Variants in NELL1 observed in about 807,000 individuals in gnomAD.
NELL1 encodes the protein protein kinase C-binding protein NELL1.
In NELL1, 76 loss-of-function variants were observed where a neutral mutation model predicts 107.4. That is an observed-to-expected ratio of 0.71 (90% confidence interval 0.59 to 0.86). NELL1 has a LOEUF of 0.86. NELL1 is among the 40% of genes least tolerant of loss of function. The pLI is 0.00. For synonymous variants in NELL1, 353 were observed against 341.2 expected (o/e 1.03, Z -0.38); for missense variants, 1,024 against 1,005.5 (o/e 1.02, Z -0.25).
chr11:20,690,354 G>T (rs1250889953), intron 2 of NELL1, among the ~76,000 whole-genome samples: 2 of 152,206 alleles, frequency 1.3e-5, no homozygotes, highest in Non-Finnish European at 2.9e-5. Context: ...TGAAGTCCTT[G>T]CCCATGCCTA....
chr11:21,267,331 A>G (rs1848654904), intron 14 of NELL1, among the ~76,000 whole-genome samples: 1 of 152,126 alleles, frequency 6.6e-6, no homozygotes, highest in Admixed American at 6.6e-5. Flanking sequence ...ATTACTAGTA[A>G]TACATTTTTA....
intron 15 of NELL1, among the ~76,000 whole-genome samples, chr11:21,394,169 A>C (rs10833524): frequency 0.3 from 45,651 of 151,402 alleles, 7,172 homozygotes; most frequent in Non-Finnish European, 0.35. Flanking sequence ...ATAGGATTAG[A>C]CATTATTCTT....
intron 3 of NELL1, among the ~76,000 whole-genome samples, chr11:20,785,992 A>C (rs1020091840): frequency 2.0e-5 from 3 of 151,418 alleles, no homozygotes; most frequent in African/African-American, 7.3e-5. Context: ...GATTGATAGG[A>C]GAGTCATTTG....
intron 14 of NELL1, among the ~76,000 whole-genome samples, chr11:21,240,241 T>C (rs184119322): frequency 3.9e-5 from 6 of 152,098 alleles, no homozygotes; most frequent in Admixed American, 3.9e-4. Context: ...AGATTGGCAG[T>C]ACTGTTAACA....
chr11:21,449,221 ACAGT>A (rs1162113584), intron 15 of NELL1, among the ~76,000 whole-genome samples: 2 of 152,174 alleles, frequency 1.3e-5, no homozygotes, highest in East Asian at 1.9e-4. Flanking sequence ...AACCTGGGGT[ACAGT>A]CAGTCTTTGT....
intron 12 of NELL1, among the ~76,000 whole-genome samples, chr11:21,070,187 C>T (rs180682448): frequency 3.3e-5 from 5 of 151,838 alleles, no homozygotes; most frequent in Admixed American, 3.3e-4. Flanking sequence ...CAATGTGGAG[C>T]CTTGTACTAA....
Position 21,474,651 on chromosome 11 carries a change from G to A in NELL1, c.1646-59723G>A, listed in dbSNP as rs564594589. 1.2e-3 allele frequency among the ~76,000 whole-genome samples: 185 copies of A among 152,192 alleles called. 2 individuals are homozygous for A. Among genetic ancestry groups the A allele is most frequent in the African/African-American group, 4.4e-3 (182 of 41,544 alleles). On this transcript the variant is annotated intron_variant, in intron 15 of 19. Transcript: ENST00000357134. ...GCACCAAAATTACTTTGAAGAGCATGCTCTAGTAAATGCTTCCCTTGTATT... is the reference window on the plus strand; with the variant it reads ...GCACCAAAATTACTTTGAAGAGCATACTCTAGTAAATGCTTCCCTTGTATT...
intron 3 of NELL1, among the ~76,000 whole-genome samples, chr11:20,835,099 T>G (rs1590336635): frequency 6.6e-6 from 1 of 152,324 alleles, no homozygotes; most frequent in South Asian, 2.1e-4. Flanking sequence ...TTTTTACATT[T>G]TCCCCACTCC....
At chr11:21,512,982 A>G (rs1855475818) in intron 15 of NELL1, among the ~76,000 whole-genome samples, 1 of 152,188 alleles carries the variant, frequency 6.6e-6, no homozygotes, top group Non-Finnish European at 1.5e-5. Context: ...TTGGATTTAA[A>G]GAGTGGGGTT....
At chr11:21,039,551 A>G (rs1217585107) in intron 12 of NELL1, among the ~76,000 whole-genome samples, 3 of 152,208 alleles carry the variant, frequency 2.0e-5, no homozygotes, top group African/African-American at 7.2e-5. Context: ...TGACCCCTAA[A>G]GAAAAAGTTA....
intron 13 of NELL1, among the ~76,000 whole-genome samples, chr11:21,214,506 C>T (rs1857571222): frequency 6.6e-6 from 1 of 152,006 alleles, no homozygotes. Context: ...TCTATACACC[C>T]ATCAGAATAG....
chr11:21,524,124 A>G (rs1291817276), intron 15 of NELL1, among the ~76,000 whole-genome samples: 5 of 152,156 alleles, frequency 3.3e-5, no homozygotes, highest in Admixed American at 6.5e-5. Flanking sequence ...GCTGTATAGT[A>G]TAATGATTAA....
chr11:20,896,852 C>T (rs1232579724), intron 5 of NELL1, among the ~76,000 whole-genome samples: 2 of 152,044 alleles, frequency 1.3e-5, no homozygotes, highest in African/African-American at 4.8e-5. Context: ...ATCCAACTTA[C>T]AAGGGATGTG....
At chr11:20,947,803 G>A (rs1850994461) in intron 11 of NELL1, among the ~76,000 whole-genome samples, 1 of 152,028 alleles carries the variant, frequency 6.6e-6, no homozygotes, top group African/African-American at 2.4e-5. Context: ...GTGAGATTGG[G>A]AAGCATTCTT....
chr11:21,059,354 C>T (rs370274659), intron 12 of NELL1, among the ~76,000 whole-genome samples: 46 of 151,654 alleles, frequency 3.0e-4, no homozygotes, highest in African/African-American at 8.5e-4. Context: ...CCTTTGCTGA[C>T]CGGAACCTTG....
At chr11:21,148,060 G>T (rs564445553) in intron 13 of NELL1, among the ~76,000 whole-genome samples, 56 of 152,106 alleles carry the variant, frequency 3.7e-4, no homozygotes, top group Admixed American at 7.2e-4. Context: ...AGCATTCCTA[G>T]TACCGTTTGA....
At chr11:20,962,574 G>A (rs74948042) in intron 12 of NELL1, among the ~76,000 whole-genome samples, 1 of 152,134 alleles carries the variant, frequency 6.6e-6, no homozygotes, top group Non-Finnish European at 1.5e-5. Context: ...AATGCTGTTT[G>A]GGATTCTTTG....
At chr11:21,520,323 G>T (rs910476672) in intron 15 of NELL1, among the ~76,000 whole-genome samples, 1 of 152,036 alleles carries the variant, frequency 6.6e-6, no homozygotes, top group Non-Finnish European at 1.5e-5. Context: ...CTAGGGGTGG[G>T]CTGGTAACCA....
chr11:20,754,918 A>C (rs1022006354), intron 2 of NELL1, among the ~76,000 whole-genome samples: 2 of 152,298 alleles, frequency 1.3e-5, no homozygotes, highest in South Asian at 4.1e-4. Flanking sequence ...AGACTTAGTG[A>C]AAAGTTCAGG....
Sources: gnomAD v4.1 joint callset for allele counts (sites outside exome capture counted in the v4.1 genomes callset) on GRCh38, gnomAD v4.1.1 for gene constraint, MANE v1.5 for transcripts, NCBI Gene and HGNC (gene_info 2026-07-23, HGNC 2026-07-21) for gene names.